The following FAM227B variants were observed in gnomAD, a reference collection of about 807,000 sequenced individuals.
FAM227B encodes the protein protein FAM227B.
In FAM227B, 88 loss-of-function variants were observed where a neutral mutation model predicts 73.8. The ratio of observed to expected loss-of-function variants is 1.19; its 90% confidence interval spans 1.00 to 1.42. FAM227B has a LOEUF of 1.42. FAM227B is among the 40% of genes most tolerant of loss of function. FAM227B has a pLI of 0.00. For missense variants in FAM227B, 632 were observed against 590.9 expected, an observed-to-expected ratio of 1.07 and a Z score of -0.72; for synonymous variants, 210 against 190.5, an observed-to-expected ratio of 1.10 and a Z score of -0.84.
At chr15:49,481,184 T>C (rs762447732) in intron 11 of FAM227B, among the ~76,000 whole-genome samples, 2 of 152,248 alleles carry the variant, frequency 1.3e-5, no homozygotes, top group Non-Finnish European at 2.9e-5. Flanking sequence ...CTATTCCATA[T>C]GTCTTTTAAA....
intron 11 of FAM227B, among the ~76,000 whole-genome samples, chr15:49,417,645 C>A (rs1269053269): frequency 6.6e-6 from 1 of 152,110 alleles, no homozygotes; most frequent in Non-Finnish European, 1.5e-5. Flanking sequence ...TGGACCCCTT[C>A]CTTGCACCAC....
At chr15:49,530,354 A>G (rs1051473397) in intron 10 of FAM227B, among the ~76,000 whole-genome samples, 3 of 151,818 alleles carry the variant, frequency 2.0e-5, no homozygotes, top group Non-Finnish European at 4.4e-5. Context: ...CAAACTGCCT[A>G]GCAAGAACAC....
intron 11 of FAM227B, among the ~76,000 whole-genome samples, chr15:49,492,370 T>A (rs2057194814): frequency 6.6e-6 from 1 of 151,954 alleles, no homozygotes; most frequent in African/African-American, 2.4e-5. Context: ...TTAGAATGAA[T>A]CATGTAACAT....
intron 14 of FAM227B, among the ~76,000 whole-genome samples, chr15:49,332,444 T>C (rs2038966899): frequency 6.6e-6 from 1 of 152,194 alleles, no homozygotes; most frequent in Non-Finnish European, 1.5e-5. Flanking sequence ...AATCTCATGA[T>C]ATCTGTCACC....
rs1051561206 is a variant in FAM227B at position 49,327,369 on chromosome 15, A to T, written c.*1199T>A. ...AGAGATTCAACCAACCACCGACCCAACCTGGAGTTTAATAACACGCTTTTT... is the reference window on the plus strand; with the variant it reads ...AGAGATTCAACCAACCACCGACCCATCCTGGAGTTTAATAACACGCTTTTT... On this transcript the variant is annotated 3_prime_UTR_variant, in exon 16 of 16. Coordinates refer to ENST00000299338, the MANE Select transcript of FAM227B (RefSeq NM_152647.3). The T allele has an allele frequency of 1.3e-5, 2 of 152,218 alleles. No homozygotes were observed. Among genetic ancestry groups the T allele is most frequent in the Non-Finnish European group, 2.9e-5 (2 of 68,046 alleles). The allele number at this position is 152,218 out of a possible 1,614,324, so 9.4% of individuals were successfully genotyped here.
chr15:49,507,651 A>C (rs1192017191), intron 11 of FAM227B, among the ~76,000 whole-genome samples: 1 of 152,148 alleles, frequency 6.6e-6, no homozygotes, highest in Non-Finnish European at 1.5e-5. Flanking sequence ...AAAGGAACAG[A>C]AAAGAATATT....
At chr15:49,399,529 A>G (rs1314564490) in intron 11 of FAM227B, among the ~76,000 whole-genome samples, 14 of 147,076 alleles carry the variant, frequency 9.5e-5, no homozygotes, top group Non-Finnish European at 1.5e-4. Context: ...TACCAAAGCC[A>G]GGCAGAGACA....
chr15:49,558,504 C>A (rs1254611634), intron 9 of FAM227B, among the ~76,000 whole-genome samples: 1 of 152,166 alleles, frequency 6.6e-6, no homozygotes, highest in Non-Finnish European at 1.5e-5. Flanking sequence ...GCCACCCTTA[C>A]CCTACTTGAA....
At chr15:49,432,549 T>A (rs1276715431) in intron 11 of FAM227B, among the ~76,000 whole-genome samples, 1 of 151,572 alleles carries the variant, frequency 6.6e-6, no homozygotes, top group Non-Finnish European at 1.5e-5. Flanking sequence ...ATATTTAAAT[T>A]TTATTAAATT....
Position 49,489,883 on chromosome 15 carries a change from T to TATATAG in FAM227B, c.1012+18327_1012+18328insCTATAT, listed in dbSNP as rs1555505060. 1.0e-3 allele frequency among the ~76,000 whole-genome samples: 23 copies of TATATAG among 22,948 alleles called. 4 individuals carry two copies. The highest frequency in any genetic ancestry group is 2.0e-3 in the Admixed American group (3 of 1,464). The allele number at this position is 22,948 out of a possible 152,430, so 15.1% of individuals were successfully genotyped here. A position where few individuals can be genotyped will look rare whatever the true frequency, so the allele number is the denominator to read the frequency against. The stretch of plus-strand genomic sequence containing the variant: ...TTTTATATATATATATATATATATA[T>TATATAG]AGAGAGAGAGAGAGAGAGAGAGAGA... On this transcript the variant is annotated intron_variant, in intron 11 of 15. Coordinates refer to ENST00000299338, the MANE Select transcript of FAM227B (RefSeq NM_152647.3).
Position 49,348,019 on chromosome 15 carries a change from CAAA to C in FAM227B, c.1272-12526_1272-12524del, listed in dbSNP as rs67614443. 4.3e-5 allele frequency among the ~76,000 whole-genome samples: 3 copies of C among 70,086 alleles called. No individual in the cohort carries two copies. The South Asian group carries it at 1.8e-3, about 41-fold the overall frequency. 46.0% of individuals were successfully genotyped at this position (70,086 alleles called of 152,430 possible). A position where few individuals can be genotyped will look rare whatever the true frequency, so the allele number is the denominator to read the frequency against. On this transcript the variant is annotated intron_variant, in intron 13 of 15. Transcript: ENST00000299338. Reference sequence around the variant, plus strand: ...GGGTGACAAGAGCAAAACTCTGTCTCAAAAAAAAAAAAAAAAAAAAAAAGGCTA... The same window carrying C: ...GGGTGACAAGAGCAAAACTCTGTCTCAAAAAAAAAAAAAAAAAAAAGGCTA...
intron 11 of FAM227B, among the ~76,000 whole-genome samples, chr15:49,408,084 CAT>C: frequency 6.6e-6 from 1 of 152,266 alleles, no homozygotes; most frequent in African/African-American, 2.4e-5. Context: ...CTCTTGGAAA[CAT>C]TTTTTATTTT....
At chr15:49,539,478 GA>G (rs1467355020) in intron 10 of FAM227B, among the ~76,000 whole-genome samples, 24 of 152,236 alleles carry the variant, frequency 1.6e-4, no homozygotes, top group Admixed American at 1.6e-3. Context: ...GAGTACACAT[GA>G]AGAGTCAGTG....
rs1555505060 is a variant in FAM227B at position 49,489,883 on chromosome 15, T to TATAGAG, written c.1012+18327_1012+18328insCTCTAT. ...TTTTATATATATATATATATATATA[T>TATAGAG]AGAGAGAGAGAGAGAGAGAGAGAGA... On this transcript the variant is annotated intron_variant, in intron 11 of 15. Coordinates refer to ENST00000299338, the MANE Select transcript of FAM227B (RefSeq NM_152647.3). Among the ~76,000 whole-genome samples the TATAGAG allele has an allele frequency of 1.0e-3, 23 of 22,946 alleles. 1 individual carries two copies. Among genetic ancestry groups the TATAGAG allele is most frequent in the Admixed American group, 3.4e-3 (5 of 1,464 alleles). 15.1% of individuals were successfully genotyped at this position (22,946 alleles called of 152,430 possible). A position where few individuals can be genotyped will look rare whatever the true frequency, so the allele number is the denominator to read the frequency against.
At chr15:49,332,087 C>CCA (rs377139081) in intron 14 of FAM227B, among the ~76,000 whole-genome samples, 3,335 of 127,962 alleles carry the variant, frequency 0.026, 55 homozygotes, top group Non-Finnish European at 0.038. Context: ...TGCACACGTG[C>CCA]CACACACACA....
chr15:49,351,890 A>G (rs570186988), intron 13 of FAM227B, among the ~76,000 whole-genome samples: 5 of 152,324 alleles, frequency 3.3e-5, no homozygotes, highest in Admixed American at 2.0e-4. Flanking sequence ...TTAGTTGTCT[A>G]TTGCTATATA....
At chr15:49,566,404 T>C (rs2074662998) in intron 9 of FAM227B, among the ~76,000 whole-genome samples, 2 of 152,140 alleles carry the variant, frequency 1.3e-5, no homozygotes, top group South Asian at 4.1e-4. Context: ...CTTCAGGAGA[T>C]GAAGGAGATT....
In FAM227B at chr15:49,610,417, A is replaced by G. The variant is rs867547902; in HGVS notation, c.105+798T>C. Among the ~76,000 whole-genome samples the G allele has an allele frequency of 2.0e-3, 223 of 112,774 alleles. 1 individual carries two copies. The highest frequency in any genetic ancestry group is 3.4e-3 in the Non-Finnish European group (187 of 55,376). The allele number at this position is 112,774 out of a possible 152,430, so 74.0% of individuals were successfully genotyped here. A position where few individuals can be genotyped will look rare whatever the true frequency, so the allele number is the denominator to read the frequency against. Reference sequence around the variant, plus strand: ...GCGCAATCCTTTCCCAAAACATTGAAAGTAAAAAAAAAAAAAAAAAAAAAC... The same window carrying G: ...GCGCAATCCTTTCCCAAAACATTGAGAGTAAAAAAAAAAAAAAAAAAAAAC... On this transcript the variant is annotated intron_variant, in intron 3 of 15. Transcript: ENST00000299338.
intron 10 of FAM227B, among the ~76,000 whole-genome samples, chr15:49,514,823 T>C (rs1464657173): frequency 1.3e-5 from 2 of 152,230 alleles, no homozygotes; most frequent in South Asian, 2.1e-4. Flanking sequence ...AGCTAAGAAA[T>C]TGTGCCTAAC....
Sources: gnomAD v4.1 joint callset for allele counts (sites outside exome capture counted in the v4.1 genomes callset) on GRCh38, gnomAD v4.1.1 for gene constraint, MANE v1.5 for transcripts, NCBI Gene and HGNC (gene_info 2026-07-23, HGNC 2026-07-21) for gene names.